The following PARD3B variants were observed in gnomAD, a reference collection of about 807,000 sequenced individuals.
PARD3B encodes partitioning defective 3 homolog B.
A neutral mutation model predicts 130.2 loss-of-function variants in PARD3B; 103 were observed. The ratio of observed to expected loss-of-function variants is 0.79; its 90% CI spans 0.67 to 0.93. The LOEUF is 0.93. PARD3B is among the 40% of genes least tolerant of loss of function. The pLI is 0.00. For missense variants in PARD3B, 1,609 were observed against 1,499.2 expected, an observed-to-expected ratio of 1.07 and a Z score of -1.21; for synonymous variants, 583 against 553.2, an observed-to-expected ratio of 1.05 and a Z score of -0.76.
chr2:205,418,984 T>C (rs2046873010), intron 19 of PARD3B, among the ~76,000 whole-genome samples: 2 of 152,188 alleles, frequency 1.3e-5, no homozygotes, highest in African/African-American at 4.8e-5. Context: ...TAGCCTAGAA[T>C]GTTTGGCCAA....
At chr2:204,628,517 A>G (rs1004453700) in intron 1 of PARD3B, among the ~76,000 whole-genome samples, 3 of 152,274 alleles carry the variant, frequency 2.0e-5, no homozygotes, top group African/African-American at 7.2e-5. Context: ...TTCCTGCAAC[A>G]ACATAGTGAT....
chr2:205,046,594 T>G (rs1698802100), intron 3 of PARD3B, among the ~76,000 whole-genome samples: 3 of 152,046 alleles, frequency 2.0e-5, no homozygotes, highest in Admixed American at 6.6e-5. Flanking sequence ...AAAAACCAGG[T>G]TTGTAAATAA....
intron 20 of PARD3B, among the ~76,000 whole-genome samples, chr2:205,452,839 C>T (rs2048150192): frequency 6.6e-6 from 1 of 152,122 alleles, no homozygotes; most frequent in Admixed American, 6.6e-5. Flanking sequence ...AGTGACCATC[C>T]ATTTTCAAGG....
At chr2:204,913,987 C>T (rs1317335806) in intron 2 of PARD3B, among the ~76,000 whole-genome samples, 1 of 152,142 alleles carries the variant, frequency 6.6e-6, no homozygotes, top group African/African-American at 2.4e-5. Context: ...TGCGTGTGTG[C>T]CCTCAGTAAG....
At chr2:204,609,093 T>C (rs1265252671) in intron 1 of PARD3B, among the ~76,000 whole-genome samples, 1 of 152,234 alleles carries the variant, frequency 6.6e-6, no homozygotes, top group Admixed American at 6.5e-5. Flanking sequence ...AAAATGTTCT[T>C]AAGGTAGTTT....
At chr2:205,044,463 A>G (rs1698623894) in intron 3 of PARD3B, among the ~76,000 whole-genome samples, 1 of 148,374 alleles carries the variant, frequency 6.7e-6, no homozygotes, top group South Asian at 2.2e-4. Context: ...CCTCTCCAGC[A>G]CCTGTTGTTT....
intron 1 of PARD3B, among the ~76,000 whole-genome samples, chr2:204,574,540 C>T (rs921362555): frequency 6.6e-6 from 1 of 152,102 alleles, no homozygotes; most frequent in Non-Finnish European, 1.5e-5. Flanking sequence ...GGCAGCATAG[C>T]GTGTTTGTCA....
At chr2:204,793,479 T>C (rs2042265673) in intron 2 of PARD3B, among the ~76,000 whole-genome samples, 1 of 152,170 alleles carries the variant, frequency 6.6e-6, no homozygotes, top group South Asian at 2.1e-4. Flanking sequence ...GTTATCTTTT[T>C]AATATTCTCA....
intron 15 of PARD3B, among the ~76,000 whole-genome samples, chr2:205,242,666 G>A (rs1409832198): frequency 6.6e-6 from 1 of 152,076 alleles, no homozygotes; most frequent in Non-Finnish European, 1.5e-5. Context: ...TTATAATCCT[G>A]AGCAAATTAA....
At chr2:204,858,101 A>G (rs557000942) in intron 2 of PARD3B, among the ~76,000 whole-genome samples, 3 of 152,202 alleles carry the variant, frequency 2.0e-5, no homozygotes, top group East Asian at 1.9e-4. Context: ...AATGGATTCA[A>G]TGGATTCCAT....
chr2:205,186,975 A>G (rs1474196757), intron 14 of PARD3B, among the ~76,000 whole-genome samples: 1 of 152,138 alleles, frequency 6.6e-6, no homozygotes, highest in Non-Finnish European at 1.5e-5. Context: ...AATGTTTGGG[A>G]TGGTGCAAAG....
chr2:205,089,831 G>C (rs866308699), intron 4 of PARD3B, among the ~76,000 whole-genome samples: 2 of 152,060 alleles, frequency 1.3e-5, no homozygotes, highest in African/African-American at 2.4e-5. Context: ...TTTCTTTATT[G>C]TCATATCTGT....
intron 6 of PARD3B, among the ~76,000 whole-genome samples, chr2:205,117,758 A>G (rs935100758): frequency 3.3e-5 from 5 of 152,214 alleles, no homozygotes; most frequent in Non-Finnish European, 7.3e-5. Flanking sequence ...GGACATATCT[A>G]TCTTTCTTAC....
At position 205,460,383 on chromosome 2, in the gene PARD3B, G is replaced by C. The variant is rs1467663487; in HGVS notation, c.3044+19711G>C. 7.2e-6 allele frequency among the ~76,000 whole-genome samples: 1 copy of C among 139,070 alleles called. No individual in the cohort carries two copies. Among genetic ancestry groups the C allele is most frequent in the Non-Finnish European group, 1.5e-5 (1 of 65,120 alleles). The allele number at this position is 139,070 out of a possible 152,430, so 91.2% of individuals were successfully genotyped here. A position where few individuals can be genotyped will look rare whatever the true frequency, so the allele number is the denominator to read the frequency against. On this transcript the variant is annotated intron_variant, in intron 20 of 22. Coordinates refer to ENST00000406610, the MANE Select transcript of PARD3B (RefSeq NM_001302769.2). This position sits in a 1 kb window ranked among gnomAD's most constrained non-coding sequence, Gnocchi z 4.9. ...CAATATGAGGATTATCAAGACTAAG[G>C]ATGTTGATAGTGATGATGATGATGA... is the stretch of plus-strand genomic sequence containing the variant.
intron 2 of PARD3B, among the ~76,000 whole-genome samples, chr2:204,693,439 G>A (rs568741856): frequency 6.6e-6 from 1 of 151,978 alleles, no homozygotes; most frequent in Non-Finnish European, 1.5e-5. Context: ...TTTTGTCCAA[G>A]TTGCTAAACC....
intron 18 of PARD3B, among the ~76,000 whole-genome samples, chr2:205,347,250 C>T (rs1428869258): frequency 6.6e-6 from 1 of 152,080 alleles, no homozygotes; most frequent in Admixed American, 6.5e-5. Flanking sequence ...CTGTAGAACA[C>T]TGGTAAGGGG....
chr2:205,142,975 G>A lies in PARD3B; in HGVS notation c.1435-15747G>A, dbSNP rs186037902. 2.0e-3 allele frequency among the ~76,000 whole-genome samples: 302 copies of A among 152,266 alleles called. 1 individual carries two copies. Among genetic ancestry groups the A allele is most frequent in the African/African-American group, 6.6e-3 (275 of 41,560 alleles). On this transcript the variant is annotated intron_variant, in intron 10 of 22. Coordinates refer to ENST00000406610, the MANE Select transcript of PARD3B (RefSeq NM_001302769.2). This position sits in a 1 kb window ranked among gnomAD's most constrained non-coding sequence, Gnocchi z 4.3. ...GAATCATCAGAATGGGAAAACATAA[G>A]TGAAATGGGAGCTGCGAGAAGGGCA... is the stretch of plus-strand genomic sequence containing the variant.
chr2:205,103,109 T>TATATTTTATATTTATGTAAAATAAAC lies in PARD3B; in HGVS notation c.505-1270_505-1245dup, dbSNP rs71032439. On this transcript the variant is annotated intron_variant, in intron 4 of 22. Coordinates refer to ENST00000406610, the MANE Select transcript of PARD3B (RefSeq NM_001302769.2). ...TTTTTTATTTTTTTATTTTTATATT[T>TATATTTTATATTTATGTAAAATAAAC]ATATTTTATATTTATGTAAAATAAA... 1.5e-3 allele frequency among the ~76,000 whole-genome samples: 213 copies of TATATTTTATATTTATGTAAAATAAAC among 146,108 alleles called. 17 individuals are homozygous for TATATTTTATATTTATGTAAAATAAAC. The highest frequency in any genetic ancestry group is 5.0e-3 in the African/African-American group (197 of 39,536).
intron 18 of PARD3B, among the ~76,000 whole-genome samples, chr2:205,328,629 A>G (rs1352416529): frequency 6.6e-6 from 1 of 152,192 alleles, no homozygotes; most frequent in Non-Finnish European, 1.5e-5. Context: ...TTGCTAGTTC[A>G]CTGTTCTTTT....
Sources: gnomAD v4.1 joint callset for allele counts (sites outside exome capture counted in the v4.1 genomes callset) on GRCh38, gnomAD v4.1.1 for gene constraint, Gnocchi (gnomAD v3.1) non-coding constraint, MANE v1.5 for transcripts, NCBI Gene and HGNC (gene_info 2026-07-23, HGNC 2026-07-21) for gene names.